The following PRRC2B variants were observed in gnomAD, a reference collection of about 807,000 sequenced individuals.
PRRC2B encodes protein PRRC2B.
A neutral mutation model predicts 242.3 loss-of-function variants in PRRC2B; 68 were observed. The ratio of observed to expected loss-of-function variants is 0.28; its 90% confidence interval spans 0.23 to 0.34. The LOEUF (loss-of-function observed/expected upper bound fraction) is 0.34, where lower values mean the gene tolerates loss of function less well. PRRC2B is among the 10% of genes least tolerant of loss of function. The pLI, the probability that PRRC2B is intolerant of heterozygous loss-of-function variation, is 1.00. For synonymous variants in PRRC2B, 1,228 were observed against 1,173.6 expected, an observed-to-expected ratio of 1.05 and a Z score of -0.95; for missense variants, 2,835 against 2,954.8, an observed-to-expected ratio of 0.96 and a Z score of 0.94.
chr9:131,404,419 A>C (rs556614434), intron 1 of PRRC2B, among the ~76,000 whole-genome samples: 1 of 151,890 alleles, frequency 6.6e-6, no homozygotes, highest in South Asian at 2.1e-4. Context: ...ACGAGATTTC[A>C]CTATGTTGGC....
At chr9:131,435,449 T>G (rs977935202) in intron 3 of PRRC2B, among the ~76,000 whole-genome samples, 3 of 152,008 alleles carry the variant, frequency 2.0e-5, no homozygotes, top group Non-Finnish European at 4.4e-5. Flanking sequence ...ACCCCGTCTC[T>G]GCTAAAAATA....
chr9:131,396,324 T>G (rs1033349820), intron 1 of PRRC2B, among the ~76,000 whole-genome samples: 2 of 141,976 alleles, frequency 1.4e-5, no homozygotes, highest in African/African-American at 2.6e-5. Flanking sequence ...TCTTTTCTTT[T>G]CTTTTTTTTT....
At chr9:131,450,269 T>G (rs1271221729) in intron 9 of PRRC2B, among the ~76,000 whole-genome samples, 1 of 147,814 alleles carries the variant, frequency 6.8e-6, no homozygotes, top group African/African-American at 2.5e-5. Flanking sequence ...CATCTTAAAT[T>G]TTTTTTTTTT....
In PRRC2B at chr9:131,484,953, G is replaced by A. The variant is rs1295739908; in HGVS notation, c.5571G>A (p.Glu1857=). The A allele has an allele frequency of 1.9e-6, 3 of 1,609,254 alleles. No individual in the cohort carries two copies. The highest frequency in any genetic ancestry group is 4.5e-5 in the East Asian group (2 of 44,770). The change falls in exon 25 of 32, where the codon GAG becomes GAA. Residue 1857 remains glutamate, a synonymous_variant. Transcript: ENST00000683519. ...CCCTCCCCTTGCTTCTGAAGATGGA[G>A]TCTGCGCGCAAGGCTTGGGAAAACT... ...FPTADLTLKM[E]SARKAWENSP...
chr9:131,495,379 C>A (rs1045973437), intron 31 of PRRC2B, among the ~76,000 whole-genome samples: 15 of 152,100 alleles, frequency 9.9e-5, no homozygotes, highest in African/African-American at 2.7e-4. Context: ...CTTGAAGGGG[C>A]CTTTTTTGCC....
intron 1 of PRRC2B, among the ~76,000 whole-genome samples, chr9:131,398,672 G>A (rs1837135866): frequency 6.6e-6 from 1 of 152,136 alleles, no homozygotes; most frequent in South Asian, 2.1e-4. Flanking sequence ...CATTGTACAA[G>A]GCCCTTTAAA....
At position 131,464,882 on chromosome 9, in the gene PRRC2B, G is replaced by A. The variant is rs780592268; in HGVS notation, c.1524G>A (p.Lys508=). The A allele has an allele frequency of 3.7e-6, 6 of 1,613,648 alleles. No individual in the cohort carries two copies. The Admixed American group carries it at 5.0e-5, about 13-fold the overall frequency. The change falls in exon 12 of 32, where the codon AAG becomes AAA. Residue 508 remains lysine, a synonymous_variant. Transcript: ENST00000683519. ...CCGAGGCGGTGGAGCGAGCCCGAAAGCGCCGGGAAGAAGAGGAGCGCCGAG... is the reference window on the plus strand; with the variant it reads ...CCGAGGCGGTGGAGCGAGCCCGAAAACGCCGGGAAGAAGAGGAGCGCCGAG... ...EMSEAVERAR[K]RREEEERRAR...
intron 13 of PRRC2B, among the ~76,000 whole-genome samples, chr9:131,469,226 C>T (rs1943475241): frequency 1.3e-5 from 2 of 152,144 alleles, no homozygotes; most frequent in African/African-American, 4.8e-5. Context: ...CCGAGCTACT[C>T]AGGAGGCTGA....
chr9:131,388,663 C>A (rs1350163621), intron 1 of PRRC2B, among the ~76,000 whole-genome samples: 1 of 149,126 alleles, frequency 6.7e-6, no homozygotes, highest in Non-Finnish European at 1.5e-5. Flanking sequence ...CCTGCCTCAT[C>A]CTCCTGAATA....
intron 1 of PRRC2B, among the ~76,000 whole-genome samples, chr9:131,381,129 C>A (rs1002676042): frequency 4.6e-5 from 7 of 152,250 alleles, no homozygotes; most frequent in African/African-American, 1.7e-4. Context: ...TATCCTACCA[C>A]CTCCACCTCA....
At chr9:131,452,091 ATTTTTGTAAGATCAGTATAAGATTGG>A in intron 9 of PRRC2B, among the ~76,000 whole-genome samples, 1 of 4,166 alleles carries the variant, frequency 2.4e-4, no homozygotes, top group East Asian at 0.015. Flanking sequence ...TAAGATTGGT[ATTTTTGTAAGATCAGTATAAGATTGG>A]TATTTTTGTA....
intron 23 of PRRC2B, among the ~76,000 whole-genome samples, 166 bp downstream of exon 23, chr9:131,483,611 G>A (rs1943934293): frequency 1.3e-5 from 2 of 152,188 alleles, no homozygotes; most frequent in South Asian, 4.1e-4. Context: ...CCCAGGTTTT[G>A]TGACCTTCCA....
At chr9:131,377,784 C>G (rs1472250860) in intron 1 of PRRC2B, among the ~76,000 whole-genome samples, 1 of 152,162 alleles carries the variant, frequency 6.6e-6, no homozygotes, top group African/African-American at 2.4e-5. Flanking sequence ...TAGACAAGGT[C>G]TTGCCCTCTC....
chr9:131,448,454 G>T (rs191707282), intron 9 of PRRC2B, among the ~76,000 whole-genome samples: 87 of 145,586 alleles, frequency 6.0e-4, no homozygotes, highest in Middle Eastern at 3.5e-3. Context: ...TGAGGCAGGA[G>T]AATCACTTGA....
At chr9:131,376,548 A>C (rs1836687460) in intron 1 of PRRC2B, among the ~76,000 whole-genome samples, 1 of 152,008 alleles carries the variant, frequency 6.6e-6, no homozygotes, top group Admixed American at 6.6e-5. Context: ...ATGGGGCCAT[A>C]AGACAGGTAT....
At chr9:131,455,296 G>T (rs972595199) in intron 10 of PRRC2B, 130 bp downstream of exon 10, 4 of 669,734 alleles carry the variant, frequency 6.0e-6, no homozygotes, top group African/African-American at 5.5e-5. Flanking sequence ...TTGTTTTGAG[G>T]GTGACAGCTA....
chr9:131,405,378 T>A (rs186216108), intron 1 of PRRC2B, among the ~76,000 whole-genome samples: 5 of 152,324 alleles, frequency 3.3e-5, no homozygotes, highest in African/African-American at 9.6e-5. Context: ...GTGCATAAAA[T>A]TCAGAGACGG....
intron 1 of PRRC2B, among the ~76,000 whole-genome samples, chr9:131,425,138 A>G (rs971691139): frequency 1.3e-5 from 2 of 152,000 alleles, no homozygotes; most frequent in Non-Finnish European, 2.9e-5. Context: ...GGCGTGCACC[A>G]CCATGCCTGG....
intron 1 of PRRC2B, among the ~76,000 whole-genome samples, chr9:131,397,625 G>C (rs1281903648): frequency 7.3e-6 from 1 of 136,158 alleles, no homozygotes; most frequent in Non-Finnish European, 1.5e-5. Flanking sequence ...AATGGCTGTG[G>C]CTGTATGCTA....
Sources: gnomAD v4.1 joint callset for allele counts (sites outside exome capture counted in the v4.1 genomes callset) on GRCh38, gnomAD v4.1.1 for gene constraint, MANE v1.5 for transcripts, NCBI Gene and HGNC (gene_info 2026-07-23, HGNC 2026-07-21) for gene names.